The following DNAH7 variants were observed in gnomAD, a reference collection of about 807,000 sequenced individuals.
The protein encoded by DNAH7 is dynein axonemal heavy chain 7.
In DNAH7, 397 loss-of-function variants were observed where a neutral mutation model predicts 444.6. That is an observed-to-expected ratio of 0.89 (90% CI 0.82 to 0.97). The LOEUF (loss-of-function observed/expected upper bound fraction) is 0.97, where lower values mean the gene tolerates loss of function less well. DNAH7 is among the 50% of genes least tolerant of loss of function. DNAH7 has a pLI of 0.00. For missense variants in DNAH7, 4,902 were observed against 4,800.8 expected, an observed-to-expected ratio of 1.02 and a Z score of -0.62; for synonymous variants, 1,636 against 1,624.4, an observed-to-expected ratio of 1.01 and a Z score of -0.17.
At chr2:195,886,897 T>A (rs1701741787) in intron 33 of DNAH7, among the ~76,000 whole-genome samples, 1 of 152,208 alleles carries the variant, frequency 6.6e-6, no homozygotes, top group Non-Finnish European at 1.5e-5. Context: ...TCACATTGTT[T>A]GGTGATTAAC....
intron 55 of DNAH7, among the ~76,000 whole-genome samples, chr2:195,798,296 G>A (rs1696263961): frequency 6.6e-6 from 1 of 152,034 alleles, no homozygotes; most frequent in Non-Finnish European, 1.5e-5. Flanking sequence ...ATGTAACAAG[G>A]TCTAGCAAAG....
intron 23 of DNAH7, among the ~76,000 whole-genome samples, chr2:195,922,662 C>T (rs1688093832): frequency 6.6e-6 from 1 of 152,090 alleles, no homozygotes; most frequent in Non-Finnish European, 1.5e-5. Flanking sequence ...CCTCCCACCC[C>T]ATACCTCCCA....
At chr2:196,049,204 A>C (rs1559369521) in intron 3 of DNAH7, among the ~76,000 whole-genome samples, 1 of 151,810 alleles carries the variant, frequency 6.6e-6, no homozygotes, top group Admixed American at 6.6e-5. Flanking sequence ...GCCTAGTTTT[A>C]CTCTCCCTAA....
chr2:195,786,466 C>T (rs772541593), intron 58 of DNAH7, among the ~76,000 whole-genome samples: 4 of 152,144 alleles, frequency 2.6e-5, no homozygotes, highest in Admixed American at 6.5e-5. Flanking sequence ...TGTATGAGTA[C>T]ATCAGAACTG....
intron 60 of DNAH7, among the ~76,000 whole-genome samples, chr2:195,774,033 T>C (rs1324103756): frequency 2.0e-5 from 3 of 152,348 alleles, no homozygotes; most frequent in East Asian, 3.9e-4. Flanking sequence ...ATAACTATAA[T>C]TGTATTCGCC....
intron 48 of DNAH7, among the ~76,000 whole-genome samples, chr2:195,826,955 G>A (rs951681131): frequency 6.6e-6 from 1 of 152,020 alleles, no homozygotes; most frequent in African/African-American, 2.4e-5. Flanking sequence ...AAAAAAAGAA[G>A]AAATATCCTT....
intron 18 of DNAH7, among the ~76,000 whole-genome samples, chr2:195,959,724 T>C (rs1690947953): frequency 6.6e-6 from 1 of 152,220 alleles, no homozygotes; most frequent in African/African-American, 2.4e-5. Flanking sequence ...AGGCTTACTT[T>C]AATTGGCTGT....
At chr2:195,866,474 C>T (rs887032939) in intron 40 of DNAH7, among the ~76,000 whole-genome samples, 2 of 152,130 alleles carry the variant, frequency 1.3e-5, no homozygotes, top group African/African-American at 4.8e-5. Context: ...AATGGCCAAT[C>T]TTTGAATTGA....
chr2:195,789,791 AT>A, intron 57 of DNAH7, among the ~76,000 whole-genome samples: 1 of 152,210 alleles, frequency 6.6e-6, no homozygotes, highest in East Asian at 1.9e-4. Flanking sequence ...AAAATGAGAA[AT>A]TTATTAAAAA....
chr2:195,802,112 GAATA>G (rs1193137659), intron 54 of DNAH7, among the ~76,000 whole-genome samples: 3 of 152,150 alleles, frequency 2.0e-5, no homozygotes, highest in Non-Finnish European at 2.9e-5. Context: ...AAAAATCACA[GAATA>G]ATTAATTCAT....
At chr2:195,809,103 T>A (rs978870996) in intron 52 of DNAH7, among the ~76,000 whole-genome samples, 3 of 152,216 alleles carry the variant, frequency 2.0e-5, no homozygotes, top group African/African-American at 7.2e-5. Flanking sequence ...TTTTGACAAT[T>A]TTCCTCCAGA....
chr2:195,789,814 G>A (rs1052922165), intron 57 of DNAH7, among the ~76,000 whole-genome samples: 1 of 151,050 alleles, frequency 6.6e-6, no homozygotes, highest in Admixed American at 6.6e-5. Flanking sequence ...CAGAGAGGAA[G>A]TCCTAGCCAG....
At chr2:195,967,622 A>C (rs1458754750) in intron 17 of DNAH7, among the ~76,000 whole-genome samples, 2 of 152,108 alleles carry the variant, frequency 1.3e-5, no homozygotes, top group East Asian at 3.9e-4. Context: ...ATGATATACT[A>C]TTCTAGGGTA....
At chr2:195,764,305 T>C (rs893098038) in intron 61 of DNAH7, among the ~76,000 whole-genome samples, 6 of 152,202 alleles carry the variant, frequency 3.9e-5, no homozygotes, top group Non-Finnish European at 7.4e-5. Flanking sequence ...GAAAAGCTGA[T>C]AGTCTTTCCT....
chr2:195,780,789 T>A (rs1406711149), intron 58 of DNAH7, among the ~76,000 whole-genome samples: 1 of 151,924 alleles, frequency 6.6e-6, no homozygotes, highest in African/African-American at 2.4e-5. Flanking sequence ...TATATATTTT[T>A]ATACTAAAAT....
chr2:196,019,676 A>G (rs1695251229), intron 8 of DNAH7, among the ~76,000 whole-genome samples: 1 of 152,144 alleles, frequency 6.6e-6, no homozygotes, highest in African/African-American at 2.4e-5. Flanking sequence ...TTTTCCCTTT[A>G]TTTTTAAAAT....
Position 195,957,436 on chromosome 2 carries a change from C to T in DNAH7, c.2903G>A (p.Gly968Asp). The change falls in exon 19 of 65, where the codon GGC (glycine) becomes GAC (aspartate). Residue 968 changes from glycine (G) to aspartate (D), a missense_variant. By Grantham distance (94) the Gly-to-Asp change is moderately conservative. Transcript: ENST00000312428. ...AATCTCCTGAAGCAGTAGGAGCTTG[C>T]CCTCCCATTCTCTGAGGAGCAAAAC... ...PYEKQMREWE[G>D]KLLLLQEILD... 6.4e-7 allele frequency: 1 copy of T among 1,552,194 alleles called. No homozygotes were observed. Among genetic ancestry groups the T allele is most frequent in the Non-Finnish European group, 8.8e-7 (1 of 1,138,776 alleles).
intron 12 of DNAH7, among the ~76,000 whole-genome samples, chr2:195,990,956 C>T (rs899445184): frequency 9.5e-5 from 13 of 137,544 alleles, no homozygotes; most frequent in African/African-American, 3.3e-4. Context: ...CATATATATA[C>T]TTAAATATAT....
chr2:195,847,701 C>T (rs1310486313), intron 46 of DNAH7, among the ~76,000 whole-genome samples: 4 of 151,968 alleles, frequency 2.6e-5, no homozygotes. Flanking sequence ...GGGACCACCA[C>T]ATTTTTCCAA....
Sources: allele counts gnomAD v4.1 joint callset (sites outside exome capture counted in the v4.1 genomes callset), GRCh38; gene constraint gnomAD v4.1.1; transcripts MANE v1.5; gene names NCBI Gene and HGNC (gene_info 2026-07-23, HGNC 2026-07-21).